Variants in CLDN10 observed in about 807,000 individuals in gnomAD.
CLDN10 encodes claudin-10.
In CLDN10, 15 loss-of-function variants were observed where a neutral mutation model predicts 22.9. That is an observed-to-expected ratio of 0.65 (90% CI 0.44 to 1.01). The LOEUF (loss-of-function observed/expected upper bound fraction) is 1.01, where lower values mean the gene tolerates loss of function less well. CLDN10 is among the 50% of genes least tolerant of loss of function. The pLI is 0.00. For missense variants in CLDN10, 247 were observed against 287.8 expected, an observed-to-expected ratio of 0.86 and a Z score of 1.03; for synonymous variants, 114 against 111.4, an observed-to-expected ratio of 1.02 and a Z score of -0.15.
intron 1 of CLDN10, among the ~76,000 whole-genome samples, chr13:95,516,670 G>C (rs1477049300): frequency 6.6e-6 from 1 of 152,154 alleles, no homozygotes; most frequent in Non-Finnish European, 1.5e-5. Context: ...TTCTCCTGCT[G>C]CAAGTCTCAA....
intron 1 of CLDN10, among the ~76,000 whole-genome samples, chr13:95,483,514 A>T (rs2042772008): frequency 6.6e-6 from 1 of 152,050 alleles, no homozygotes; most frequent in African/African-American, 2.4e-5. Flanking sequence ...CGGCCTCTTA[A>T]TTTTTTAAGC....
chr13:95,493,937 T>C (rs2042902441), intron 1 of CLDN10, among the ~76,000 whole-genome samples: 1 of 152,176 alleles, frequency 6.6e-6, no homozygotes, highest in African/African-American at 2.4e-5. Flanking sequence ...GTATCAAAAT[T>C]GCTAATACTA....
intron 1 of CLDN10, among the ~76,000 whole-genome samples, chr13:95,480,978 T>G (rs1415396549): frequency 6.6e-6 from 1 of 152,194 alleles, no homozygotes; most frequent in African/African-American, 2.4e-5. Context: ...ATCCTTCCCC[T>G]TTGTCTTCCC....
intron 1 of CLDN10, among the ~76,000 whole-genome samples, chr13:95,470,724 C>A (rs1193240792): frequency 6.6e-6 from 1 of 152,106 alleles, no homozygotes; most frequent in Non-Finnish European, 1.5e-5. Flanking sequence ...CTGCCTATTT[C>A]TGTTCTCTTC....
At chr13:95,573,832 C>A (rs1417007319) in intron 3 of CLDN10, among the ~76,000 whole-genome samples, 1 of 151,786 alleles carries the variant, frequency 6.6e-6, no homozygotes, top group Non-Finnish European at 1.5e-5. Context: ...CCCATCAACT[C>A]GTCATTTACA....
intron 1 of CLDN10, among the ~76,000 whole-genome samples, chr13:95,463,356 A>T: frequency 1.1e-5 from 1 of 92,526 alleles, no homozygotes; most frequent in Non-Finnish European, 2.1e-5. Context: ...TTTTTGAGAC[A>T]GAGTCTCCCT....
chr13:95,438,980 A>C (rs1378110565), intron 1 of CLDN10, among the ~76,000 whole-genome samples: 2,779 of 107,164 alleles, frequency 0.026, 98 homozygotes, highest in African/African-American at 0.078. Context: ...CATCGCAAAA[A>C]AAAAAAAAAA....
At chr13:95,567,227 A>G (rs140518526) in intron 3 of CLDN10, among the ~76,000 whole-genome samples, 1,569 of 152,188 alleles carry the variant, frequency 0.01, 30 homozygotes, top group African/African-American at 0.036. Context: ...GGCCATTTTC[A>G]CGATATTGAT....
intron 1 of CLDN10, among the ~76,000 whole-genome samples, chr13:95,502,351 C>A (rs1190826756): frequency 6.6e-6 from 1 of 152,214 alleles, no homozygotes; most frequent in East Asian, 1.9e-4. Context: ...CTTGTGATTT[C>A]TCACCTCTCA....
At chr13:95,502,820 C>T (rs147086870) in intron 1 of CLDN10, among the ~76,000 whole-genome samples, 101 of 152,314 alleles carry the variant, frequency 6.6e-4, no homozygotes, top group African/African-American at 1.7e-3. Flanking sequence ...TTTGCCCAAC[C>T]GGCAGCATGT....
intron 1 of CLDN10, among the ~76,000 whole-genome samples, chr13:95,482,448 G>T (rs1056983345): frequency 2.0e-5 from 3 of 152,052 alleles, no homozygotes; most frequent in Admixed American, 6.6e-5. Context: ...GGCAGAAAGG[G>T]TCTAGAGCCT....
chr13:95,540,625 T>C (rs1342209416), intron 1 of CLDN10, among the ~76,000 whole-genome samples: 1 of 152,206 alleles, frequency 6.6e-6, no homozygotes, highest in East Asian at 1.9e-4. Context: ...GACAAATAAC[T>C]AAACAAAATT....
intron 1 of CLDN10, among the ~76,000 whole-genome samples, chr13:95,473,139 C>CAAA (rs765295179): frequency 3.4e-5 from 2 of 58,770 alleles, no homozygotes; most frequent in Admixed American, 2.0e-4. Flanking sequence ...AAACCTATCT[C>CAAA]AAAAAAAAAA....
At position 95,449,465 on chromosome 13, in the gene CLDN10, G is replaced by C. The variant is rs149576150; in HGVS notation, c.214+15418G>C. 3.6e-3 allele frequency among the ~76,000 whole-genome samples: 546 copies of C among 151,830 alleles called. 8 individuals are homozygous for C. Among genetic ancestry groups the C allele is most frequent in the African/African-American group, 0.012 (513 of 41,412 alleles). On this transcript the variant is annotated intron_variant, in intron 1 of 4. Transcript: ENST00000376873. ...GGGGTTTCACCATGTTGGCCAGACT[G>C]GTCTCGAACTCCTGACCTCAAGTGA...
intron 1 of CLDN10, among the ~76,000 whole-genome samples, chr13:95,507,819 C>T (rs1450974174): frequency 6.6e-6 from 1 of 152,036 alleles, no homozygotes; most frequent in Non-Finnish European, 1.5e-5. Flanking sequence ...GATGAGGTTT[C>T]TCCATGTTGG....
At chr13:95,574,972 A>C (rs144320960) in intron 3 of CLDN10, among the ~76,000 whole-genome samples, 178 of 152,178 alleles carry the variant, frequency 1.2e-3, no homozygotes, top group Middle Eastern at 0.01. Flanking sequence ...CAGTGAACTC[A>C]TTGTGCCAAG....
intron 1 of CLDN10, among the ~76,000 whole-genome samples, chr13:95,448,584 C>T (rs936093675): frequency 6.6e-5 from 10 of 152,132 alleles, no homozygotes; most frequent in Non-Finnish European, 1.5e-4. Context: ...ACACCATGCT[C>T]AGAAGTCATT....
intron 1 of CLDN10, among the ~76,000 whole-genome samples, chr13:95,472,922 T>C (rs1299003972): frequency 1.3e-5 from 2 of 151,634 alleles, no homozygotes; most frequent in Non-Finnish European, 2.9e-5. Flanking sequence ...AGGATGATTG[T>C]TTGAGCCCAG....
chr13:95,440,037 C>T lies in CLDN10; in HGVS notation c.214+5990C>T, dbSNP rs1210686434. Reference sequence around the variant, plus strand: ...CAAGCGATTCTCCTGCCTCAGCCTCCCAAGTAGCTGAGACTACAGGCTCGC... The same window carrying T: ...CAAGCGATTCTCCTGCCTCAGCCTCTCAAGTAGCTGAGACTACAGGCTCGC... On this transcript the variant is annotated intron_variant, in intron 1 of 4. Transcript: ENST00000376873. 2.0e-5 allele frequency among the ~76,000 whole-genome samples: 3 copies of T among 152,188 alleles called. No homozygotes were observed. The East Asian group carries it at 5.8e-4, about 29-fold the overall frequency.
Sources: allele counts gnomAD v4.1 joint callset (sites outside exome capture counted in the v4.1 genomes callset), GRCh38; gene constraint gnomAD v4.1.1; transcripts MANE v1.5; gene names NCBI Gene and HGNC (gene_info 2026-07-23, HGNC 2026-07-21).